Variants in INSL6 observed in about 807,000 individuals in gnomAD.
The protein encoded by INSL6 is insulin like 6, also known as insulin-like peptide INSL6.
A neutral mutation model predicts 9.4 loss-of-function variants in INSL6; 16 were observed. The observed-to-expected ratio is 1.70, with a 90% CI of 1.15 to 2.59. The LOEUF (loss-of-function observed/expected upper bound fraction) is 2.59, where lower values mean the gene tolerates loss of function less well. Ranked by LOEUF, INSL6 falls within the 30% of genes most tolerant of loss-of-function variation. INSL6 has a pLI of 0.00. For missense variants in INSL6, 391 were observed against 257.3 expected (o/e 1.52, Z -3.56); for synonymous variants, 154 against 96.9 (o/e 1.59, Z -3.46).
chr9:5,152,239 A>G, intron 2 of INSL6, among the ~76,000 whole-genome samples: 1 of 152,208 alleles, frequency 6.6e-6, no homozygotes, highest in East Asian at 1.9e-4. Flanking sequence ...AACTTTACCT[A>G]ACATCTACAG....
intron 1 of INSL6, among the ~76,000 whole-genome samples, chr9:5,179,696 G>A (rs1217677995): frequency 6.6e-6 from 1 of 152,198 alleles, no homozygotes; most frequent in African/African-American, 2.4e-5. Context: ...CCTTTGCAGG[G>A]ACATGGATGG....
chr9:4,992,428 T>A, the INSL6 span, among the ~76,000 whole-genome samples: 2 of 152,298 alleles, frequency 1.3e-5, no homozygotes, highest in East Asian at 3.9e-4. Flanking sequence ...GAGTGGCAAG[T>A]TCACACTGCA....
chr9:5,122,900 T>C, downstream of INSL6: 1 of 713,026 alleles, frequency 1.4e-6, no homozygotes, highest in South Asian at 2.5e-5. Flanking sequence ...GATAACTCTT[T>C]TCTCTACATG....
At chr9:5,161,578 C>A (rs1038814333), downstream of INSL6, among the ~76,000 whole-genome samples, 5 of 152,084 alleles carry the variant, frequency 3.3e-5, no homozygotes, top group Non-Finnish European at 5.9e-5. Flanking sequence ...TACTGGAGGT[C>A]CAAGCTAGAG....
the INSL6 span, among the ~76,000 whole-genome samples, chr9:5,079,641 A>T: frequency 7.2e-5 from 11 of 151,966 alleles, no homozygotes; most frequent in Non-Finnish European, 1.5e-4. Flanking sequence ...GATAAACTAT[A>T]TAAAAAAAAA....
the INSL6 span, among the ~76,000 whole-genome samples, chr9:4,996,809 C>G: frequency 2.0e-5 from 3 of 151,898 alleles, no homozygotes; most frequent in Non-Finnish European, 4.4e-5. Context: ...AAATATACCT[C>G]CATTGTAGTA....
chr9:5,007,079 G>A, the INSL6 span, among the ~76,000 whole-genome samples: 1 of 151,894 alleles, frequency 6.6e-6, no homozygotes, highest in East Asian at 1.9e-4. Flanking sequence ...AAAAGCCAAC[G>A]TTTTACTTTG....
intron 2 of INSL6, among the ~76,000 whole-genome samples, chr9:5,158,239 G>C (rs532578652): frequency 6.6e-6 from 1 of 152,250 alleles, no homozygotes; most frequent in South Asian, 2.1e-4. Flanking sequence ...AAAGTTCTTC[G>C]CCTTGAAAGG....
intron 1 of INSL6, among the ~76,000 whole-genome samples, chr9:5,183,245 T>C (rs753121690): frequency 2.2e-4 from 33 of 152,202 alleles, no homozygotes; most frequent in Middle Eastern, 3.2e-3. Flanking sequence ...TATAATACAA[T>C]TCATGTTGAT....
the INSL6 span, among the ~76,000 whole-genome samples, chr9:5,057,948 T>TGTC: frequency 3.3e-5 from 5 of 151,896 alleles, no homozygotes; most frequent in African/African-American, 1.2e-4. Flanking sequence ...GAAACAATAC[T>TGTC]GTCTTTTTGT....
the INSL6 span, among the ~76,000 whole-genome samples, chr9:5,073,264 A>C: frequency 6.6e-6 from 1 of 152,206 alleles, no homozygotes; most frequent in Non-Finnish European, 1.5e-5. Context: ...TGTTAAAACT[A>C]TGCTAGTATC....
At chr9:5,121,054 G>A (rs953510645), downstream of INSL6, among the ~76,000 whole-genome samples, 1 of 152,078 alleles carries the variant, frequency 6.6e-6, no homozygotes, top group Non-Finnish European at 1.5e-5. Flanking sequence ...AACCAAGAGA[G>A]GAATAAATCT....
the INSL6 span, among the ~76,000 whole-genome samples, chr9:5,115,313 CTCA>C: frequency 2.0e-5 from 3 of 152,122 alleles, no homozygotes; most frequent in East Asian, 3.8e-4. Context: ...TGAAAAAAAG[CTCA>C]TCATCACTGG....
the INSL6 span, among the ~76,000 whole-genome samples, chr9:5,063,113 G>A: frequency 6.6e-6 from 1 of 151,864 alleles, no homozygotes; most frequent in African/African-American, 2.4e-5. Context: ...ATAATTTTTG[G>A]TTGAGGACTC....
chr9:5,159,779 C>T (rs1410642907), downstream of INSL6, among the ~76,000 whole-genome samples: 4 of 152,202 alleles, frequency 2.6e-5, no homozygotes, highest in African/African-American at 9.6e-5. Context: ...ACTTAATCTG[C>T]ACTATAGAAC....
the INSL6 span, chr9:5,108,164 T>C: frequency 6.6e-6 from 1 of 152,112 alleles, no homozygotes; most frequent in Non-Finnish European, 1.5e-5. Context: ...CAAGCCAATA[T>C]TAACTGTTCA....
chr9:5,057,629 C>G, the INSL6 span, among the ~76,000 whole-genome samples: 5,165 of 136,842 alleles, frequency 0.038, 242 homozygotes, highest in African/African-American at 0.12. Context: ...GTCATCCAGG[C>G]TGGAGCACAA....
At chr9:5,178,583 C>T (rs1825372899) in intron 1 of INSL6, among the ~76,000 whole-genome samples, 2 of 152,200 alleles carry the variant, frequency 1.3e-5, no homozygotes, top group South Asian at 2.1e-4. Context: ...TGGTTTCCTA[C>T]ATCACACTAC....
chr9:5,155,347 G>T, intron 2 of INSL6, among the ~76,000 whole-genome samples: 2 of 111,956 alleles, frequency 1.8e-5, no homozygotes, highest in Admixed American at 1.0e-4. Context: ...AGGGGGGAGG[G>T]ATAGCATTAG....
Sources: allele counts gnomAD v4.1 joint callset (sites outside exome capture counted in the v4.1 genomes callset), GRCh38; gene constraint gnomAD v4.1.1; transcripts MANE v1.5; gene names NCBI Gene and HGNC (gene_info 2026-07-23, HGNC 2026-07-21).